Variants in GRIN2D observed in about 807,000 individuals in gnomAD.
GRIN2D encodes glutamate receptor ionotropic, NMDA 2D.
A neutral mutation model predicts 103.2 loss-of-function variants in GRIN2D; 37 were observed. The observed-to-expected ratio is 0.36, with a 90% CI of 0.28 to 0.47. The LOEUF (loss-of-function observed/expected upper bound fraction) is 0.47, where lower values mean the gene tolerates loss of function less well. Ranked by LOEUF, GRIN2D falls within the 20% of genes least tolerant of loss-of-function variation. The pLI is 1.00. For missense variants in GRIN2D, 1,557 were observed against 1,910.6 expected, an observed-to-expected ratio of 0.81 and a Z score of 3.45; for synonymous variants, 845 against 885.6, an observed-to-expected ratio of 0.95 and a Z score of 0.81.
chr19:48,413,980 C>T lies in GRIN2D; in HGVS notation c.1086-11C>T, dbSNP rs1209687905. The T allele has an allele frequency of 2.6e-6, 4 of 1,513,820 alleles. No homozygotes were observed. The highest frequency in any genetic ancestry group is 3.7e-6 in the Non-Finnish European group (4 of 1,088,646). 93.8% of individuals were successfully genotyped at this position (1,513,820 alleles called of 1,614,324 possible). On this transcript the variant is annotated splice_polypyrimidine_tract_variant and intron_variant, in intron 4 of 13. Coordinates refer to ENST00000263269, the MANE Select transcript of GRIN2D (RefSeq NM_000836.4). The stretch of plus-strand genomic sequence containing the variant: ...GGCCCCAGCATGTCCCCTTTCCCTC[C>T]TCCTGGGCAGGTACTTCATGAACAT...
Position 48,442,589 on chromosome 19 carries a change from C to T in GRIN2D, c.2674-11C>T, listed in dbSNP as rs756419061. Reference sequence around the variant, plus strand: ...CTCGCGCTGACCCCCGTCCTGTCCCCGGACCCGCAGGGCATGTACAGCTGC... The same window carrying T: ...CTCGCGCTGACCCCCGTCCTGTCCCTGGACCCGCAGGGCATGTACAGCTGC... On this transcript the variant is annotated splice_polypyrimidine_tract_variant and intron_variant, in intron 13 of 13. Coordinates refer to ENST00000263269, the MANE Select transcript of GRIN2D (RefSeq NM_000836.4). This position sits in a 1 kb window ranked among gnomAD's most constrained non-coding sequence, Gnocchi z 7.2. 24 of 1,497,042 alleles carry T rather than the reference C, an allele frequency of 1.6e-5. No individual in the cohort carries two copies. The highest frequency in any genetic ancestry group is 2.2e-5 in the Admixed American group (1 of 45,080). The allele number at this position is 1,497,042 out of a possible 1,614,324, so 92.7% of individuals were successfully genotyped here.
intron 11 of GRIN2D, among the ~76,000 whole-genome samples, chr19:48,441,507 T>C (rs1483021426): frequency 2.0e-5 from 3 of 152,114 alleles, no homozygotes; most frequent in African/African-American, 7.2e-5. Flanking sequence ...GAGCCCAGGA[T>C]TTCTGGTCCA....
chr19:48,444,131 A>AC lies in GRIN2D; in HGVS notation c.*197dup. The AC allele has an allele frequency of 2.4e-6, 1 of 412,934 alleles. No individual in the cohort carries two copies. The highest frequency in any genetic ancestry group is 4.3e-6 in the Non-Finnish European group (1 of 234,622). The allele number at this position is 412,934 out of a possible 1,614,324, so 25.6% of individuals were successfully genotyped here. A position where few individuals can be genotyped will look rare whatever the true frequency, so the allele number is the denominator to read the frequency against. The stretch of plus-strand genomic sequence containing the variant: ...GAGAGGATTTGGTCCCTCAACTATC[A>AC]CCCAGCCTGAGAACGAGGGGGCGGG... On this transcript the variant is annotated 3_prime_UTR_variant, in exon 14 of 14. Coordinates refer to ENST00000263269, the MANE Select transcript of GRIN2D (RefSeq NM_000836.4). The surrounding 1 kb of genome is among the most constrained non-coding windows in gnomAD (Gnocchi z 5.5).
intron 2 of GRIN2D, among the ~76,000 whole-genome samples, chr19:48,395,286 A>C (rs1415274848): frequency 2.3e-5 from 3 of 127,898 alleles, no homozygotes; most frequent in Admixed American, 7.7e-5. Flanking sequence ...CAGTCCCCCC[A>C]TCGCGAGCCG....
intron 7 of GRIN2D, 119 bp from the exon 8 acceptor site, chr19:48,415,883 G>T: frequency 1.2e-6 from 1 of 841,300 alleles, no homozygotes; most frequent in Non-Finnish European, 2.0e-6. Context: ...AATCCCTCTT[G>T]GCCCCTTCCC....
chr19:48,442,456 A>T lies in GRIN2D; in HGVS notation c.2673+74A>T. 6.5e-7 allele frequency: 1 copy of T among 1,550,042 alleles called. No individual in the cohort carries two copies. The highest frequency in any genetic ancestry group is 8.8e-7 in the Non-Finnish European group (1 of 1,141,820). ...ACAAAGGTAAAGCCGAGCAGAGACA[A>T]GGAGATGTGGGTCGAGATGTGGATA... is the stretch of plus-strand genomic sequence containing the variant. On this transcript the variant is annotated intron_variant, in intron 13 of 13. Coordinates refer to ENST00000263269, the MANE Select transcript of GRIN2D (RefSeq NM_000836.4). The surrounding 1 kb of genome is among the most constrained non-coding windows in gnomAD (Gnocchi z 7.2).
intron 3 of GRIN2D, among the ~76,000 whole-genome samples, chr19:48,402,169 A>AAAGAAAGAAAGAAAGG (rs1461423265): frequency 6.7e-6 from 1 of 148,182 alleles, no homozygotes; most frequent in African/African-American, 2.5e-5. Context: ...AGAAAGAAAG[A>AAAGAAAGAAAGAAAGG]GAGAAAAGAA....
intron 11 of GRIN2D, among the ~76,000 whole-genome samples, chr19:48,436,457 G>A (rs1331581908): frequency 6.6e-6 from 1 of 152,124 alleles, no homozygotes; most frequent in Admixed American, 6.6e-5. Flanking sequence ...TCATCCCCAG[G>A]AGCAATCGGG....
At chr19:48,428,915 C>T (rs187669314) in intron 11 of GRIN2D, among the ~76,000 whole-genome samples, 200 of 152,264 alleles carry the variant, frequency 1.3e-3, no homozygotes, top group African/African-American at 3.8e-3. Context: ...TGCTAAGTGG[C>T]AGAACTAGGA....
Position 48,405,001 on chromosome 19 carries a change from C to T in GRIN2D, c.733C>T (p.Leu245=). ...QLRSVSAQIR[L]LFCAREEAEP... is the part of the protein sequence containing the mutation. ...CCGCAGTGTCAGCGCGCAGATCCGC[C>T]TGCTCTTCTGCGCCCGAGAGGAGGC... Residue 245 remains leucine (L), a synonymous_variant, in exon 4 of 14, where the codon CTG becomes TTG. Coordinates refer to ENST00000263269, the MANE Select transcript of GRIN2D (RefSeq NM_000836.4). The surrounding 1 kb of genome is among the most constrained non-coding windows in gnomAD (Gnocchi z 5.1). 1 of 1,612,364 alleles carries T rather than the reference C, an allele frequency of 6.2e-7. No individual in the cohort carries two copies. Among genetic ancestry groups the T allele is most frequent in the Non-Finnish European group, 8.5e-7 (1 of 1,179,540 alleles).
At position 48,442,433 on chromosome 19, in the gene GRIN2D, A is replaced by G. The variant is rs1276970462; in HGVS notation, c.2673+51A>G. On this transcript the variant is annotated intron_variant, in intron 13 of 13. Transcript: ENST00000263269. The surrounding 1 kb of genome is among the most constrained non-coding windows in gnomAD (Gnocchi z 7.2). ...AGGGGGAGATGGCAGGGGCGGGGAC[A>G]AAGGTAAAGCCGAGCAGAGACAAGG... The G allele has an allele frequency of 2.5e-6, 4 of 1,572,978 alleles. No individual in the cohort carries two copies. Among genetic ancestry groups the G allele is most frequent in the Non-Finnish European group, 3.5e-6 (4 of 1,155,598 alleles).
In GRIN2D at chr19:48,442,119, T is replaced by C; in HGVS notation, c.2441-31T>C. 2 of 1,596,750 alleles carry C rather than the reference T, an allele frequency of 1.3e-6. No homozygotes were observed. Among genetic ancestry groups the C allele is most frequent in the Non-Finnish European group, 1.7e-6 (2 of 1,164,856 alleles). On this transcript the variant is annotated intron_variant, in intron 12 of 13. Transcript: ENST00000263269. This position sits in a 1 kb window ranked among gnomAD's most constrained non-coding sequence, Gnocchi z 7.2. ...GACAAGGGTCCTCAGAGGGTACTCA[T>C]AGCAGGTGACTTTTGACCGCCCCTC... is the stretch of plus-strand genomic sequence containing the variant.
Position 48,419,578 on chromosome 19 carries a change from C to G in GRIN2D, c.1862-7C>G. On this transcript the variant is annotated splice_region_variant and splice_polypyrimidine_tract_variant and intron_variant, in intron 9 of 13. Transcript: ENST00000263269. ...GGGGTCCATGTCCACGTCCTGGCCC[C>G]CTGCAGGCCCTGGCGGTTCAACCTT... 1.2e-6 allele frequency: 2 copies of G among 1,604,756 alleles called. No homozygotes were observed. The highest frequency in any genetic ancestry group is 1.1e-5 in the South Asian group (1 of 90,852).
In GRIN2D at chr19:48,405,292, C is replaced by A; in HGVS notation, c.1024C>A (p.Pro342Thr). The change falls in exon 4 of 14, where the codon CCT becomes ACT. Residue 342 changes from proline (P) to threonine (T), a missense_variant. Coordinates refer to ENST00000263269, the MANE Select transcript of GRIN2D (RefSeq NM_000836.4). This position sits in a 1 kb window ranked among gnomAD's most constrained non-coding sequence, Gnocchi z 5.1. ...CCTGCTGCGTGATTATGGTTTCCTT[C>A]CTGAGCTCGGCCACGACTGTCGCGC... is the stretch of plus-strand genomic sequence containing the variant. ...QALLRDYGFL[P>T]ELGHDCRAQN... is the part of the protein sequence containing the mutation. 6.2e-7 allele frequency: 1 copy of A among 1,601,610 alleles called. No homozygotes were observed. Among genetic ancestry groups the A allele is most frequent in the East Asian group, 2.2e-5 (1 of 44,640 alleles).
intron 10 of GRIN2D, among the ~76,000 whole-genome samples, chr19:48,420,780 T>G (rs543347469): frequency 6.6e-6 from 1 of 152,220 alleles, no homozygotes; most frequent in African/African-American, 2.4e-5. Context: ...GAGCCATGAT[T>G]ACGCCACAAA....
intron 11 of GRIN2D, among the ~76,000 whole-genome samples, chr19:48,435,534 C>T (rs999476096): frequency 4.6e-5 from 7 of 151,986 alleles, no homozygotes; most frequent in Non-Finnish European, 7.4e-5. Context: ...AGGTGATCCG[C>T]TCGAGGTTCA....
intron 11 of GRIN2D, 133 bp from the exon 12 acceptor site, chr19:48,441,636 C>T (rs1324481082): frequency 4.6e-6 from 3 of 646,898 alleles, no homozygotes; most frequent in Non-Finnish European, 8.0e-6. Context: ...CTGAGAAGTG[C>T]AATGATTTGC....
At chr19:48,426,224 C>CTTTCTTTTTTT (rs1555893889) in intron 11 of GRIN2D, among the ~76,000 whole-genome samples, 1 of 120,086 alleles carries the variant, frequency 8.3e-6, no homozygotes, top group African/African-American at 3.6e-5. Flanking sequence ...TTCTTTCTTT[C>CTTTCTTTTTTT]TTTTTTTTTT....
At chr19:48,423,903 G>A (rs776089902) in intron 11 of GRIN2D, among the ~76,000 whole-genome samples, 9 of 152,176 alleles carry the variant, frequency 5.9e-5, no homozygotes, top group East Asian at 1.9e-4. Context: ...TGCAACCTCC[G>A]CCTTCCCTGG....
Sources: allele counts gnomAD v4.1 joint callset (sites outside exome capture counted in the v4.1 genomes callset), GRCh38; gene constraint gnomAD v4.1.1; non-coding constraint Gnocchi (gnomAD v3.1); transcripts MANE v1.5; gene names NCBI Gene and HGNC (gene_info 2026-07-23, HGNC 2026-07-21).